The following POLD2 variants were observed in gnomAD, a reference collection of about 807,000 sequenced individuals.
The protein encoded by POLD2 is DNA polymerase delta 2, accessory subunit.
POLD2 carries 31 observed loss-of-function variants against 48.8 expected under a neutral mutation model. That is an observed-to-expected ratio of 0.64 (90% confidence interval 0.48 to 0.86). The LOEUF (loss-of-function observed/expected upper bound fraction) is 0.86, where lower values mean the gene tolerates loss of function less well. POLD2 is among the 40% of genes least tolerant of loss of function. The pLI, the probability that POLD2 is intolerant of heterozygous loss-of-function variation, is 0.00. For missense variants in POLD2, 455 were observed against 610.1 expected (o/e 0.75, Z 2.68); for synonymous variants, 233 against 256.3 (o/e 0.91, Z 0.87).
At position 44,122,114 on chromosome 7, in the gene POLD2, G is replaced by A. The variant is rs746555351; in HGVS notation, c.-56-5C>T. The stretch of plus-strand genomic sequence containing the variant: ...CGCCCAGGCCAAGGAGGTTCACTGC[G>A]AAAACACAAAGGCATTCCTGCTGCC... On this transcript the variant is annotated splice_region_variant and splice_polypyrimidine_tract_variant and intron_variant, in intron 1 of 10. Transcript: ENST00000610533. The A allele has an allele frequency of 5.7e-6, 9 of 1,580,976 alleles. No homozygotes were observed. The highest frequency in any genetic ancestry group is 1.3e-5 in the African/African-American group (1 of 74,230).
rs760970522 is a variant in POLD2, at chr7:44,114,818, G to A, written c.1377C>T (p.Asp459=). 7.4e-6 allele frequency: 12 copies of A among 1,613,130 alleles called. No individual in the cohort carries two copies. The highest frequency in any genetic ancestry group is 2.7e-5 in the African/African-American group (2 of 75,044). The part of the protein sequence containing the change: ...PISFSGFGAE[D]DDLGGLGLGP ...CCAGCCCCAGGCCTCCCAGGTCATC[G>A]TCCTCTGCCCCGAAGCCCGAGAAGC... The change falls in exon 11 of 11, where the codon GAC becomes GAT. Residue 459 remains aspartate (D), a synonymous_variant. Transcript: ENST00000610533.
chr7:44,118,039 C>G lies in POLD2; in HGVS notation c.246G>C (p.Leu82=), dbSNP rs371370564. 1 of 1,614,240 alleles carries G rather than the reference C, an allele frequency of 6.2e-7. No individual in the cohort carries two copies. The highest frequency in any genetic ancestry group is 8.5e-7 in the Non-Finnish European group (1 of 1,180,026). Residue 82 remains leucine, a synonymous_variant, in exon 3 of 11, where the codon CTG becomes CTC. Coordinates refer to ENST00000610533, the MANE Select transcript of POLD2 (RefSeq NM_006230.4). ...ACTTCTCCTCAGGCTGCAGTTCACA[C>G]AGCTTCTTCACTCCCACTCCACTGC... ...HWGSGVGVKK[L]CELQPEEKCC... is the part of the protein sequence containing the mutation.
chr7:44,120,198 T>C (rs1184759802), intron 2 of POLD2, among the ~76,000 whole-genome samples: 1 of 152,200 alleles, frequency 6.6e-6, no homozygotes, highest in East Asian at 1.9e-4. Context: ...ATCAACACAT[T>C]CACTGTGGCA....
rs1014295749 is a variant in POLD2 at position 44,116,421 on chromosome 7, C to T, written c.861+9G>A. 4.4e-6 allele frequency: 7 copies of T among 1,574,290 alleles called. No homozygotes were observed. Among genetic ancestry groups the T allele is most frequent in the South Asian group, 1.2e-5 (1 of 86,276 alleles). On this transcript the variant is annotated intron_variant, in intron 7 of 10. Coordinates refer to ENST00000610533, the MANE Select transcript of POLD2 (RefSeq NM_006230.4). This position sits in a 1 kb window ranked among gnomAD's most constrained non-coding sequence, Gnocchi z 6.1. Reference sequence around the variant, plus strand: ...TCCCCATCACCCCTCCAGCCCCCAGCTCGCTCACGCTCAGCTGCAGGAGGA... The same window carrying T: ...TCCCCATCACCCCTCCAGCCCCCAGTTCGCTCACGCTCAGCTGCAGGAGGA...
Position 44,116,841 on chromosome 7 carries a change from G to A in POLD2, c.756C>T (p.Thr252=), listed in dbSNP as rs756000146. 1 of 1,613,868 alleles carries A rather than the reference G, an allele frequency of 6.2e-7. No individual in the cohort carries two copies. The highest frequency in any genetic ancestry group is 1.1e-5 in the South Asian group (1 of 91,062). ...CCTTATTGATAGAATCCCTGCTCTG[G>A]GTGCTGTGGCTGAGGAGGTTGCCAG... ...ILAGNLLSHS[T]QSRDSINKAK... is the part of the protein sequence containing the mutation. Residue 252 remains threonine (T), a synonymous_variant, in exon 6 of 11, where the codon ACC becomes ACT. Transcript: ENST00000610533. This position sits in a 1 kb window ranked among gnomAD's most constrained non-coding sequence, Gnocchi z 6.1.
upstream of POLD2, chr7:44,123,591 C>T: frequency 2.8e-6 from 4 of 1,447,860 alleles, no homozygotes; most frequent in Non-Finnish European, 2.7e-6. Flanking sequence ...GCGCGGCTTC[C>T]CCGCCCATCG....
At chr7:44,120,776 T>C (rs2096247181) in intron 2 of POLD2, among the ~76,000 whole-genome samples, 1 of 152,182 alleles carries the variant, frequency 6.6e-6, no homozygotes, top group Non-Finnish European at 1.5e-5. Context: ...CTGCCATGAT[T>C]GTTAAGTTTC....
Position 44,117,673 on chromosome 7 carries a change from C to T in POLD2, c.412G>A (p.Glu138Lys). ...CCTTTTAGTTTGATACGCTGCAGTT[C>T]ATCTTCCAAGACCAGCTCGTCATCT... is the stretch of plus-strand genomic sequence containing the variant. ...HPDDELVLED[E>K]LQRIKLKGTI... Residue 138 changes from glutamate (E) to lysine (K), a missense_variant, in exon 4 of 11, where the codon GAA becomes AAA. Around this residue, in one of 3 missense-constraint regions of POLD2, gnomAD observed 349 missense variants for 437.4 expected, o/e 0.80. Coordinates refer to ENST00000610533, the MANE Select transcript of POLD2 (RefSeq NM_006230.4). 1 of 1,611,650 alleles carries T rather than the reference C, an allele frequency of 6.2e-7. No individual in the cohort carries two copies. Among genetic ancestry groups the T allele is most frequent in the Non-Finnish European group, 8.5e-7 (1 of 1,178,986 alleles).
In POLD2 at chr7:44,121,323, G is replaced by T. The variant is rs1209665380; in HGVS notation, c.220+511C>A. On this transcript the variant is annotated intron_variant, in intron 2 of 10. Transcript: ENST00000610533. This position sits in a 1 kb window ranked among gnomAD's most constrained non-coding sequence, Gnocchi z 4.5. ...AAAGAACAAGGGTTGTGTTGGGCAG[G>T]CCACTTTATTAGGAAAGACAGAGGG... 1.3e-5 allele frequency among the ~76,000 whole-genome samples: 2 copies of T among 152,084 alleles called. No homozygotes were observed. The highest frequency in any genetic ancestry group is 4.8e-5 in the African/African-American group (2 of 41,382).
chr7:44,116,291 G>A lies in POLD2; in HGVS notation c.862-19C>T, dbSNP rs1333676715. 8 of 1,601,380 alleles carry A rather than the reference G, an allele frequency of 5.0e-6. No homozygotes were observed. Among genetic ancestry groups the A allele is most frequent in the Non-Finnish European group, 6.8e-6 (8 of 1,172,556 alleles). On this transcript the variant is annotated intron_variant, in intron 7 of 10. Transcript: ENST00000610533. The surrounding 1 kb of genome is among the most constrained non-coding windows in gnomAD (Gnocchi z 6.1). ...CTGAGGCCTGGAAGGCACAGGGCAG[G>A]GAGAGCTCACAGGGCCCCGAAGGAG...
At chr7:44,118,178 C>T in intron 2 of POLD2, 114 bp from the exon 3 acceptor site, 2 of 1,222,986 alleles carry the variant, frequency 1.6e-6, no homozygotes, top group Non-Finnish European at 2.3e-6. Context: ...CTGGCCTTGC[C>T]AGGAGAGAAC....
Position 44,116,194 on chromosome 7 carries a change from A to T in POLD2, c.940T>A (p.Cys314Ser). The T allele has an allele frequency of 6.2e-7, 1 of 1,613,942 alleles. No individual in the cohort carries two copies. The highest frequency in any genetic ancestry group is 8.5e-7 in the Non-Finnish European group (1 of 1,179,982). ...YTLPQQPLHP[C>S]MFPLATAYST... ...TAGGCAGTGGCCAGCGGGAACATGC[A>T]GGGGTGGAGGGGCTGCTGGGGGAGC... Residue 314 changes from cysteine (C) to serine (S), a missense_variant, in exon 8 of 11, where the codon TGC (cysteine) becomes AGC (serine). By Grantham distance (112) the Cys-to-Ser change is moderately radical. Coordinates refer to ENST00000610533, the MANE Select transcript of POLD2 (RefSeq NM_006230.4). This position sits in a 1 kb window ranked among gnomAD's most constrained non-coding sequence, Gnocchi z 6.1.
rs367786044 is a variant in POLD2, at chr7:44,115,145, A to G, written c.1249+150T>C. 1.0e-3 allele frequency: 753 copies of G among 750,134 alleles called. 15 individuals are homozygous for G. The South Asian group carries it at 0.012, about 12-fold the overall frequency. 46.5% of individuals were successfully genotyped at this position (750,134 alleles called of 1,614,324 possible). On this transcript the variant is annotated intron_variant, in intron 10 of 10. Transcript: ENST00000610533. ...GCTGGCGAGGCAGCTTGGCTCCCACAGTGAAATGGCAGCTGTGCAGAAGAC... is the reference window on the plus strand; with the variant it reads ...GCTGGCGAGGCAGCTTGGCTCCCACGGTGAAATGGCAGCTGTGCAGAAGAC...
Position 44,117,121 on chromosome 7 carries a change from A to G in POLD2, c.581+12T>C. 1 of 1,612,608 alleles carries G rather than the reference A, an allele frequency of 6.2e-7. No individual in the cohort carries two copies. Among genetic ancestry groups the G allele is most frequent in the Non-Finnish European group, 8.5e-7 (1 of 1,178,700 alleles). ...CATGAGCTGGTTCCAGCTCCCGAGA[A>G]CTGCTGCTCACCTATCTGTGTCAAG... On this transcript the variant is annotated intron_variant, in intron 5 of 10. Coordinates refer to ENST00000610533, the MANE Select transcript of POLD2 (RefSeq NM_006230.4).
At chr7:44,118,901 A>G (rs1481494479) in intron 2 of POLD2, among the ~76,000 whole-genome samples, 1 of 152,148 alleles carries the variant, frequency 6.6e-6, no homozygotes, top group Admixed American at 6.5e-5. Context: ...TGCTTCACTT[A>G]TACCTAAATT....
At chr7:44,117,097 A>G (rs1177875833) in intron 5 of POLD2, 36 bp downstream of exon 5, 1 of 1,608,218 alleles carries the variant, frequency 6.2e-7, no homozygotes, top group East Asian at 2.2e-5. Context: ...TCCACTGACC[A>G]TGAGCTGGTT....
rs776273799 is a variant in POLD2, at chr7:44,122,131, C to T, written c.-56-22G>A. 9.7e-6 allele frequency: 15 copies of T among 1,539,010 alleles called. No homozygotes were observed. In the East Asian group the frequency reaches 3.5e-4, roughly 36 times the overall value. On this transcript the variant is annotated intron_variant, in intron 1 of 10. Coordinates refer to ENST00000610533, the MANE Select transcript of POLD2 (RefSeq NM_006230.4). ...TTCACTGCGAAAACACAAAGGCATT[C>T]CTGCTGCCCCTGTCCATCCCCCAAA... is the stretch of plus-strand genomic sequence containing the variant.
chr7:44,117,994 C>G lies in POLD2; in HGVS notation c.291G>C (p.Leu97=). 1 of 1,614,236 alleles carries G rather than the reference C, an allele frequency of 6.2e-7. No individual in the cohort carries two copies. The highest frequency in any genetic ancestry group is 1.3e-5 in the African/African-American group (1 of 75,072). ...AGGGCTGCAGCGGCATGGCCTTGAA[C>G]AGAGTGCCCACCACACAGCACTTCT... ...PEEKCCVVGT[L]FKAMPLQPSI... Residue 97 remains leucine (L), a synonymous_variant, in exon 3 of 11, where the codon CTG becomes CTC. Coordinates refer to ENST00000610533, the MANE Select transcript of POLD2 (RefSeq NM_006230.4).
intron 1 of POLD2, 127 bp from the exon 2 acceptor site, chr7:44,122,236 T>C: frequency 7.0e-7 from 1 of 1,425,994 alleles, no homozygotes; most frequent in East Asian, 2.5e-5. Context: ...ACACCAGACA[T>C]TGTGTCCACT....
Sources: gnomAD v4.1 joint callset for allele counts (sites outside exome capture counted in the v4.1 genomes callset) on GRCh38, gnomAD v4.1.1 for gene constraint, gnomAD v4.1.1 regional missense constraint, Gnocchi (gnomAD v3.1) non-coding constraint, MANE v1.5 for transcripts, NCBI Gene and HGNC (gene_info 2026-07-23, HGNC 2026-07-21) for gene names.